RGS6: variants seen among roughly 807,000 people sequenced by gnomAD.
RGS6 encodes the protein regulator of G-protein signaling 6.
In RGS6, 30 loss-of-function variants were observed where a neutral mutation model predicts 78.5. The observed-to-expected ratio is 0.38, with a 90% CI of 0.29 to 0.52. RGS6 has a LOEUF of 0.52. Ranked by LOEUF, RGS6 falls within the 20% of genes least tolerant of loss-of-function variation. The probability of loss-of-function intolerance (pLI) is 0.85; values close to 1 mark genes in which losing one functional copy is unlikely to be tolerated. For missense variants in RGS6, 495 were observed against 609.7 expected, an observed-to-expected ratio of 0.81 and a Z score of 1.98; for synonymous variants, 206 against 206.0, an observed-to-expected ratio of 1.00 and a Z score of 0.00.
At chr14:72,369,153 G>A (rs1290231809) in intron 3 of RGS6, among the ~76,000 whole-genome samples, 1 of 152,198 alleles carries the variant, frequency 6.6e-6, no homozygotes, top group Non-Finnish European at 1.5e-5. Context: ...ATGGGCCATG[G>A]GTTGGACAAG....
chr14:72,236,783 T>A lies in RGS6; in HGVS notation c.85-115312T>A, dbSNP rs566098623. ...GCGGCCAGAGAGAGGCACTCCTCAC[T>A]TCCCAGATGGCAGGGGGCGCTGAGC... is the stretch of plus-strand genomic sequence containing the variant. On this transcript the variant is annotated intron_variant, in intron 2 of 17. Coordinates refer to ENST00000553525, the MANE Select transcript of RGS6 (RefSeq NM_001204424.2). 3.1e-3 allele frequency among the ~76,000 whole-genome samples: 471 copies of A among 151,924 alleles called. 1 individual carries two copies. Among genetic ancestry groups the A allele is most frequent in the African/African-American group, 0.011 (454 of 41,418 alleles).
At chr14:72,489,163 C>CCT (rs1566967264) in intron 12 of RGS6, among the ~76,000 whole-genome samples, 2 of 150,556 alleles carry the variant, frequency 1.3e-5, no homozygotes, top group East Asian at 2.0e-4. Context: ...GGGGCCCCCC[C>CCT]ACCGGCTGTT....
intron 1 of RGS6, among the ~76,000 whole-genome samples, chr14:71,956,402 G>A (rs1012295059): frequency 6.6e-6 from 1 of 151,742 alleles, no homozygotes; most frequent in Admixed American, 6.6e-5. Flanking sequence ...ATAACAGTGT[G>A]TGTGTGTATA....
At chr14:71,935,540 T>C (rs896620385) in intron 1 of RGS6, among the ~76,000 whole-genome samples, 2 of 152,216 alleles carry the variant, frequency 1.3e-5, no homozygotes, top group African/African-American at 4.8e-5. Context: ...GTCCTTATTT[T>C]CAAAAAGAGT....
At chr14:72,239,187 T>C (rs1280941242) in intron 2 of RGS6, among the ~76,000 whole-genome samples, 2 of 152,132 alleles carry the variant, frequency 1.3e-5, no homozygotes, top group Non-Finnish European at 2.9e-5. Flanking sequence ...ATTCCCATGA[T>C]TCCTCCCTTA....
intron 13 of RGS6, among the ~76,000 whole-genome samples, chr14:72,506,851 A>G (rs1456121969): frequency 6.6e-6 from 1 of 152,064 alleles, no homozygotes; most frequent in Non-Finnish European, 1.5e-5. Context: ...TGATGACTTT[A>G]TAAGAAGAGA....
At chr14:72,410,711 G>T (rs1454570055) in intron 3 of RGS6, among the ~76,000 whole-genome samples, 3 of 152,080 alleles carry the variant, frequency 2.0e-5, no homozygotes, top group African/African-American at 7.2e-5. Flanking sequence ...GGTCTAACAT[G>T]TAAGTCTTTA....
At chr14:72,391,099 C>T (rs768827445) in intron 3 of RGS6, among the ~76,000 whole-genome samples, 4 of 152,174 alleles carry the variant, frequency 2.6e-5, no homozygotes, top group Non-Finnish European at 5.9e-5. Flanking sequence ...TCAGGACAAA[C>T]AGCTTTTCTT....
In RGS6 at chr14:72,139,980, C is replaced by T. The variant is rs141948490; in HGVS notation, c.84+175105C>T. The stretch of plus-strand genomic sequence containing the variant: ...ATTCTTTGAGACTTGTTAAAGAAAC[C>T]GTTTAGTGTTGTAAATGCCACCAAG... On this transcript the variant is annotated intron_variant, in intron 2 of 17. Coordinates refer to ENST00000553525, the MANE Select transcript of RGS6 (RefSeq NM_001204424.2). 7.2e-3 allele frequency among the ~76,000 whole-genome samples: 1,102 copies of T among 152,200 alleles called. 7 individuals carry two copies. Among genetic ancestry groups the T allele is most frequent in the Non-Finnish European group, 0.012 (821 of 68,020 alleles).
chr14:72,546,377 A>G (rs565048219), intron 17 of RGS6, among the ~76,000 whole-genome samples: 1 of 152,372 alleles, frequency 6.6e-6, no homozygotes, highest in South Asian at 2.1e-4. Context: ...TACAGAGAAG[A>G]CAAAGTGGCT....
intron 2 of RGS6, among the ~76,000 whole-genome samples, chr14:72,182,657 G>C (rs1251969576): frequency 1.3e-5 from 2 of 152,114 alleles, no homozygotes; most frequent in Non-Finnish European, 2.9e-5. Context: ...GTTCACATGA[G>C]AGCAAATGAA....
At chr14:72,576,311 C>G in the RGS6 span, among the ~76,000 whole-genome samples, 2 of 152,114 alleles carry the variant, frequency 1.3e-5, no homozygotes, top group African/African-American at 4.8e-5. Context: ...AGCAACAAAA[C>G]AAGATTGTAT....
chr14:72,112,709 A>T (rs2153551534), intron 2 of RGS6, among the ~76,000 whole-genome samples: 1 of 152,330 alleles, frequency 6.6e-6, no homozygotes, highest in South Asian at 2.1e-4. Context: ...ATTGAGTGTC[A>T]TAGAGGCTAA....
At chr14:72,619,423 C>A in the RGS6 span, 3 of 1,507,686 alleles carry the variant, frequency 2.0e-6, no homozygotes, top group African/African-American at 1.4e-5. Flanking sequence ...TGGAGCCCCA[C>A]CCCACTGGCC....
chr14:72,361,102 T>TC (rs1555352704), intron 3 of RGS6, among the ~76,000 whole-genome samples: 1,524 of 134,438 alleles, frequency 0.011, 29 homozygotes, highest in African/African-American at 0.044. Context: ...TTTTTTTTTT[T>TC]CATAAATTAC....
the RGS6 span, among the ~76,000 whole-genome samples, chr14:72,604,650 G>A: frequency 6.6e-6 from 1 of 152,146 alleles, no homozygotes; most frequent in Non-Finnish European, 1.5e-5. Flanking sequence ...GATGACCCAG[G>A]GGTTTGAGGA....
At chr14:71,990,409 A>G (rs1293954273) in intron 2 of RGS6, 2 of 359,386 alleles carry the variant, frequency 5.6e-6, no homozygotes, top group Admixed American at 3.7e-5. Context: ...CTGCTCAGTA[A>G]AAGGTTGAAA....
chr14:72,387,507 C>T (rs1199370277), intron 3 of RGS6, among the ~76,000 whole-genome samples: 1 of 151,748 alleles, frequency 6.6e-6, no homozygotes, highest in East Asian at 2.0e-4. Context: ...CGAGATCGCA[C>T]CACTGGACTC....
At chr14:72,357,594 C>A (rs1268399189) in intron 3 of RGS6, among the ~76,000 whole-genome samples, 1 of 152,190 alleles carries the variant, frequency 6.6e-6, no homozygotes, top group Non-Finnish European at 1.5e-5. Context: ...CATTTTGGCC[C>A]TGCCCTAGAG....
Sources: allele counts gnomAD v4.1 joint callset (sites outside exome capture counted in the v4.1 genomes callset), GRCh38; gene constraint gnomAD v4.1.1; transcripts MANE v1.5; gene names NCBI Gene and HGNC (gene_info 2026-07-23, HGNC 2026-07-21).